MECOM: variants seen among roughly 807,000 people sequenced by gnomAD.
The protein encoded by MECOM is histone-lysine N-methyltransferase MECOM.
Under a neutral mutation model 116.3 loss-of-function variants are expected in MECOM, and 13 were observed. The ratio of observed to expected loss-of-function variants is 0.11; its 90% confidence interval spans 0.07 to 0.18. The LOEUF (loss-of-function observed/expected upper bound fraction) is 0.18, where lower values mean the gene tolerates loss of function less well. Ranked by LOEUF, MECOM falls within the 10% of genes least tolerant of loss-of-function variation. The pLI is 1.00. For synonymous variants in MECOM, 528 were observed against 535.2 expected, an observed-to-expected ratio of 0.99 and a Z score of 0.19; for missense variants, 1,299 against 1,509.0, an observed-to-expected ratio of 0.86 and a Z score of 2.31.
At chr3:169,497,686 A>G (rs768574616) in intron 1 of MECOM, among the ~76,000 whole-genome samples, 1 of 152,270 alleles carries the variant, frequency 6.6e-6, no homozygotes, top group East Asian at 1.9e-4. Flanking sequence ...TTCATCCTGC[A>G]TACCTTTGCC....
chr3:169,346,703 TA>T (rs947080606), intron 2 of MECOM, among the ~76,000 whole-genome samples: 125 of 151,252 alleles, frequency 8.3e-4, no homozygotes, highest in East Asian at 6.4e-3. Context: ...ACTCTTACTA[TA>T]AAAAAAAATT....
chr3:169,540,797 AC>A (rs1409425758), intron 1 of MECOM, among the ~76,000 whole-genome samples: 3 of 152,164 alleles, frequency 2.0e-5, no homozygotes, highest in African/African-American at 7.2e-5. Context: ...GGGCTGCAAG[AC>A]TTTTCCTTCC....
chr3:169,100,019 T>A (rs1362028356), intron 12 of MECOM, among the ~76,000 whole-genome samples: 2 of 151,918 alleles, frequency 1.3e-5, no homozygotes, highest in African/African-American at 4.8e-5. Context: ...TTATCTGTCC[T>A]ACCTCTAGTT....
At chr3:169,233,781 A>T (rs1422712961) in intron 2 of MECOM, among the ~76,000 whole-genome samples, 2 of 152,128 alleles carry the variant, frequency 1.3e-5, no homozygotes, top group Non-Finnish European at 2.9e-5. Context: ...TTTATTCCAT[A>T]CTACAGTACT....
At chr3:169,390,808 G>A (rs868620533) in intron 1 of MECOM, among the ~76,000 whole-genome samples, 53 of 152,144 alleles carry the variant, frequency 3.5e-4, no homozygotes, top group African/African-American at 1.3e-3. Context: ...GCTAAAGGAA[G>A]GAGGATGGTG....
At chr3:169,574,969 T>C (rs1764317275) in intron 1 of MECOM, among the ~76,000 whole-genome samples, 1 of 152,020 alleles carries the variant, frequency 6.6e-6, no homozygotes, top group African/African-American at 2.4e-5. Context: ...GAAATGGTAA[T>C]TGGATGGGTC....
At chr3:169,304,824 C>T (rs1717373863) in intron 2 of MECOM, among the ~76,000 whole-genome samples, 1 of 151,998 alleles carries the variant, frequency 6.6e-6, no homozygotes, top group Admixed American at 6.5e-5. Context: ...TCTTAAAATG[C>T]CATCTTAGAG....
At chr3:169,596,679 T>A (rs1328525027) in intron 1 of MECOM, among the ~76,000 whole-genome samples, 5 of 151,708 alleles carry the variant, frequency 3.3e-5, no homozygotes, top group African/African-American at 1.2e-4. Flanking sequence ...TGCTGTTTGA[T>A]CAAAAATTAA....
intron 1 of MECOM, among the ~76,000 whole-genome samples, chr3:169,464,953 T>A (rs1338160904): frequency 1.3e-5 from 2 of 152,130 alleles, no homozygotes; most frequent in African/African-American, 4.8e-5. Flanking sequence ...AAGCCAAATA[T>A]ATTTAATATT....
Position 169,097,817 on chromosome 3 carries a change from T to TA in MECOM, c.2850-2573dup, listed in dbSNP as rs539873617. On this transcript the variant is annotated intron_variant, in intron 12 of 16. Transcript: ENST00000651503. ...AACAGAGTGAGACCTACTGTCTATA[T>TA]AAAAAAAAAAAAAAAAAAAAAAAGG... 1.7e-3 allele frequency among the ~76,000 whole-genome samples: 152 copies of TA among 87,194 alleles called. 3 individuals carry two copies. The highest frequency in any genetic ancestry group is 6.8e-3 in the Middle Eastern group (1 of 146). 57.2% of individuals were successfully genotyped at this position (87,194 alleles called of 152,430 possible). A position where few individuals can be genotyped will look rare whatever the true frequency, so the allele number is the denominator to read the frequency against.
chr3:169,371,762 T>G (rs1447848607), intron 2 of MECOM, among the ~76,000 whole-genome samples: 4 of 152,040 alleles, frequency 2.6e-5, no homozygotes, highest in Non-Finnish European at 5.9e-5. Flanking sequence ...TTCTTCATTA[T>G]CAAGCACACA....
At chr3:169,553,741 GATCAC>G (rs1761683229) in intron 1 of MECOM, among the ~76,000 whole-genome samples, 1 of 152,192 alleles carries the variant, frequency 6.6e-6, no homozygotes, top group African/African-American at 2.4e-5. Flanking sequence ...GCTTGCAGAT[GATCAC>G]TTTCTCTCTG....
chr3:169,653,312 G>A (rs1431063442), intron 1 of MECOM, among the ~76,000 whole-genome samples: 3 of 152,114 alleles, frequency 2.0e-5, no homozygotes, highest in East Asian at 1.9e-4. Flanking sequence ...CATAGTATTA[G>A]GCCCTATACA....
chr3:169,362,838 C>T (rs1038950274), intron 2 of MECOM, among the ~76,000 whole-genome samples: 3 of 151,978 alleles, frequency 2.0e-5, no homozygotes, highest in African/African-American at 7.2e-5. Context: ...TGCTGTTTCA[C>T]ACACACTTTA....
chr3:169,226,964 T>C (rs935744150), intron 2 of MECOM, among the ~76,000 whole-genome samples: 1 of 152,228 alleles, frequency 6.6e-6, no homozygotes, highest in Non-Finnish European at 1.5e-5. Flanking sequence ...CCTTGCCCTA[T>C]GTTTAAGAGG....
At chr3:169,418,168 G>C (rs570952277) in intron 1 of MECOM, among the ~76,000 whole-genome samples, 11 of 150,856 alleles carry the variant, frequency 7.3e-5, no homozygotes, top group African/African-American at 2.4e-4. Flanking sequence ...ATAAGTTCCT[G>C]GACAAATACA....
intron 1 of MECOM, among the ~76,000 whole-genome samples, chr3:169,590,482 A>T (rs1416807108): frequency 6.6e-6 from 1 of 152,234 alleles, no homozygotes; most frequent in Non-Finnish European, 1.5e-5. Flanking sequence ...GTCAGAGGCC[A>T]ATTTGTTAAG....
chr3:169,602,161 A>C (rs1767910576), intron 1 of MECOM, among the ~76,000 whole-genome samples: 1 of 152,238 alleles, frequency 6.6e-6, no homozygotes, highest in African/African-American at 2.4e-5. Flanking sequence ...ATGGTGGTTT[A>C]AGTAAAAAAA....
chr3:169,578,313 C>T (rs548372926), intron 1 of MECOM, among the ~76,000 whole-genome samples: 22 of 152,144 alleles, frequency 1.4e-4, no homozygotes, highest in Non-Finnish European at 2.1e-4. Context: ...ATACAACTCA[C>T]GATGCTTTTT....
Sources: gnomAD v4.1 joint callset for allele counts (sites outside exome capture counted in the v4.1 genomes callset) on GRCh38, gnomAD v4.1.1 for gene constraint, MANE v1.5 for transcripts, NCBI Gene and HGNC (gene_info 2026-07-23, HGNC 2026-07-21) for gene names.